KIAA1217: variants seen among roughly 807,000 people sequenced by gnomAD.
KIAA1217 encodes KIAA1217, also known as sickle tail protein homolog.
Under a neutral mutation model 163.9 loss-of-function variants are expected in KIAA1217, and 88 were observed. The observed-to-expected ratio is 0.54, with a 90% CI of 0.45 to 0.64. KIAA1217 has a LOEUF of 0.64. Among genes scored for constraint, KIAA1217 ranks in the 30% least tolerant of loss-of-function variants. The pLI is 0.00. For synonymous variants in KIAA1217, 903 were observed against 923.1 expected, an observed-to-expected ratio of 0.98 and a Z score of 0.39; for missense variants, 2,372 against 2,475.0, an observed-to-expected ratio of 0.96 and a Z score of 0.88.
intron 2 of KIAA1217, among the ~76,000 whole-genome samples, chr10:24,065,906 T>C (rs558930300): frequency 3.5e-4 from 54 of 152,326 alleles, no homozygotes; most frequent in African/African-American, 1.3e-3. Context: ...ATGGCCTTCT[T>C]TGTCTCTTTT....
At chr10:24,293,716 A>G (rs16924479) in intron 2 of KIAA1217, among the ~76,000 whole-genome samples, 2,580 of 152,338 alleles carry the variant, frequency 0.017, 67 homozygotes, top group African/African-American at 0.058. Context: ...AGACTGCATT[A>G]TCAACGGTGT....
At chr10:24,412,415 A>T (rs1314466747) in intron 3 of KIAA1217, among the ~76,000 whole-genome samples, 1 of 152,178 alleles carries the variant, frequency 6.6e-6, no homozygotes, top group East Asian at 1.9e-4. Context: ...CACTGTTTCC[A>T]GTTCTTCTCC....
intron 2 of KIAA1217, among the ~76,000 whole-genome samples, chr10:24,166,901 A>C (rs952424114): frequency 3.0e-4 from 46 of 152,216 alleles, no homozygotes; most frequent in Non-Finnish European, 5.7e-4. Flanking sequence ...TCAACAACAA[A>C]AAAATTAATC....
chr10:24,428,840 A>G (rs1396828253), intron 3 of KIAA1217, among the ~76,000 whole-genome samples: 2 of 150,940 alleles, frequency 1.3e-5, no homozygotes, highest in African/African-American at 2.4e-5. Flanking sequence ...TGACAGAGCA[A>G]GACCCCATCT....
intron 2 of KIAA1217, among the ~76,000 whole-genome samples, chr10:24,128,106 T>C (rs1465190036): frequency 6.6e-6 from 1 of 152,248 alleles, no homozygotes; most frequent in Admixed American, 6.5e-5. Context: ...GTGTTTGGAT[T>C]GAGGCGGAGT....
intron 1 of KIAA1217, among the ~76,000 whole-genome samples, chr10:23,731,192 T>C (rs1838456919): frequency 6.6e-6 from 1 of 152,084 alleles, no homozygotes; most frequent in Admixed American, 6.5e-5. Flanking sequence ...AATAGATACT[T>C]TGAGGGAGGG....
intron 2 of KIAA1217, among the ~76,000 whole-genome samples, chr10:24,097,023 G>A (rs1346685194): frequency 3.9e-5 from 6 of 152,126 alleles, no homozygotes; most frequent in Admixed American, 6.5e-5. Flanking sequence ...TATAGGTAAC[G>A]GTGGGCCATT....
chr10:24,540,368 G>A (rs1301637296), intron 17 of KIAA1217, among the ~76,000 whole-genome samples: 1 of 152,072 alleles, frequency 6.6e-6, no homozygotes, highest in Non-Finnish European at 1.5e-5. Flanking sequence ...TGAGTAGCTG[G>A]GATTATAGGT....
chr10:23,704,172 G>GTGTGTGTGTGTA (rs1229370789), intron 1 of KIAA1217, among the ~76,000 whole-genome samples: 12 of 39,948 alleles, frequency 3.0e-4, no homozygotes, highest in East Asian at 7.5e-4. Context: ...GTGTGTGTGT[G>GTGTGTGTGTGTA]TATATATATA....
chr10:24,127,584 C>T (rs1394287081), intron 2 of KIAA1217, among the ~76,000 whole-genome samples: 1 of 152,054 alleles, frequency 6.6e-6, no homozygotes, highest in East Asian at 1.9e-4. Flanking sequence ...TCAAAGTAGT[C>T]CAAGATTTTC....
At chr10:24,146,213 T>A (rs899492926) in intron 2 of KIAA1217, among the ~76,000 whole-genome samples, 3 of 147,174 alleles carry the variant, frequency 2.0e-5, no homozygotes, top group African/African-American at 7.8e-5. Flanking sequence ...ACATAAATAA[T>A]CTCCCTGCAT....
At chr10:24,290,841 C>T (rs942016675) in intron 2 of KIAA1217, among the ~76,000 whole-genome samples, 3 of 151,928 alleles carry the variant, frequency 2.0e-5, no homozygotes, top group African/African-American at 2.4e-5. Context: ...ACCTCAGGTG[C>T]TCCACCTGCC....
chr10:24,384,898 T>C (rs2053808742), intron 3 of KIAA1217, among the ~76,000 whole-genome samples: 2 of 152,306 alleles, frequency 1.3e-5, no homozygotes, highest in East Asian at 1.9e-4. Context: ...TGGGAGACCC[T>C]TAAATTTTGC....
intron 1 of KIAA1217, among the ~76,000 whole-genome samples, chr10:24,215,455 C>A (rs546373947): frequency 1.3e-5 from 2 of 152,146 alleles, no homozygotes; most frequent in South Asian, 4.1e-4. Flanking sequence ...AACAAGAAAT[C>A]GAATTGTATT....
upstream of KIAA1217, among the ~76,000 whole-genome samples, chr10:24,206,111 T>A (rs2067541484): frequency 6.6e-6 from 1 of 152,198 alleles, no homozygotes; most frequent in South Asian, 2.1e-4. Flanking sequence ...CAAGAAATAG[T>A]CTTGCACCTT....
intron 1 of KIAA1217, among the ~76,000 whole-genome samples, chr10:24,213,833 C>T (rs142827921): frequency 6.6e-6 from 1 of 152,032 alleles, no homozygotes; most frequent in East Asian, 1.9e-4. Context: ...ATATAATGAC[C>T]TGGTTTCAGC....
chr10:24,000,410 A>G (rs1047376846), intron 1 of KIAA1217, among the ~76,000 whole-genome samples: 4 of 152,250 alleles, frequency 2.6e-5, no homozygotes, highest in Non-Finnish European at 5.9e-5. Context: ...TGCTGCCACC[A>G]TGTGAAGAAG....
intron 1 of KIAA1217, among the ~76,000 whole-genome samples, chr10:23,753,680 A>G (rs1298767369): frequency 1.1e-4 from 16 of 152,202 alleles, no homozygotes; most frequent in Admixed American, 7.9e-4. Flanking sequence ...TTGGGGGTCT[A>G]TTTGATAATA....
At chr10:24,120,513 T>C (rs2063241098) in intron 2 of KIAA1217, among the ~76,000 whole-genome samples, 1 of 152,232 alleles carries the variant, frequency 6.6e-6, no homozygotes, top group South Asian at 2.1e-4. Flanking sequence ...CTATAGCCTC[T>C]TTTATGAGTG....
Sources: gnomAD v4.1 joint callset for allele counts (sites outside exome capture counted in the v4.1 genomes callset) on GRCh38, gnomAD v4.1.1 for gene constraint, MANE v1.5 for transcripts, NCBI Gene and HGNC (gene_info 2026-07-23, HGNC 2026-07-21) for gene names.